The following DNAH14 variants were observed in gnomAD, a reference collection of about 807,000 sequenced individuals.
DNAH14 encodes the protein axonemal beta dynein heavy chain 14.
In DNAH14, 478 loss-of-function variants were observed where a neutral mutation model predicts 520.9. The observed-to-expected ratio is 0.92, with a 90% CI of 0.85 to 0.99. DNAH14 has a LOEUF of 0.99. Among genes scored for constraint, DNAH14 ranks in the 50% least tolerant of loss-of-function variants. The pLI is 0.00. For missense variants in DNAH14, 4,831 were observed against 5,234.5 expected, an observed-to-expected ratio of 0.92 and a Z score of 2.38; for synonymous variants, 1,581 against 1,757.2, an observed-to-expected ratio of 0.90 and a Z score of 2.51.
intron 68 of DNAH14, among the ~76,000 whole-genome samples, chr1:225,339,471 C>T (rs1190527618): frequency 2.0e-5 from 3 of 152,202 alleles, no homozygotes. Flanking sequence ...TTTAAAACCC[C>T]TTTATTCACC....
chr1:225,067,680 C>T lies in DNAH14; in HGVS notation c.2425-11527C>T, dbSNP rs1012830620. On this transcript the variant is annotated intron_variant, in intron 17 of 85. Coordinates refer to ENST00000682510, the MANE Select transcript of DNAH14 (RefSeq NM_001367479.1). ...CATCCTGACTGGTGTTAGATGGTAG[C>T]TCATTGTGGTTTTGATTTGCATTTC... 2.6e-5 allele frequency among the ~76,000 whole-genome samples: 4 copies of T among 152,096 alleles called. No individual in the cohort carries two copies. In the East Asian group the frequency reaches 7.7e-4, roughly 29 times the overall value.
At chr1:225,325,192 A>C (rs2094633584) in intron 64 of DNAH14, among the ~76,000 whole-genome samples, 1 of 151,962 alleles carries the variant, frequency 6.6e-6, no homozygotes, top group East Asian at 1.9e-4. Flanking sequence ...TCTTTAAAAA[A>C]AACTGTACTT....
At chr1:225,153,163 T>C (rs898957921) in intron 33 of DNAH14, among the ~76,000 whole-genome samples, 3 of 152,164 alleles carry the variant, frequency 2.0e-5, no homozygotes, top group Admixed American at 6.5e-5. Flanking sequence ...GGACTATTTT[T>C]TTCCATACAA....
At chr1:225,041,607 A>G (rs781168230) in intron 12 of DNAH14, among the ~76,000 whole-genome samples, 2 of 152,146 alleles carry the variant, frequency 1.3e-5, no homozygotes, top group East Asian at 3.8e-4. Context: ...TTTTTTTTGT[A>G]TGTGCAATGA....
At chr1:225,245,867 A>G (rs2092251625) in intron 43 of DNAH14, among the ~76,000 whole-genome samples, 2 of 152,176 alleles carry the variant, frequency 1.3e-5, no homozygotes, top group South Asian at 4.1e-4. Flanking sequence ...GAATTAGGAA[A>G]AACTACTTTA....
chr1:225,155,617 GA>G (rs1344158841), intron 34 of DNAH14, among the ~76,000 whole-genome samples: 1 of 152,166 alleles, frequency 6.6e-6, no homozygotes, highest in Non-Finnish European at 1.5e-5. Flanking sequence ...GTATTTCAGT[GA>G]AAGTAGTACT....
chr1:225,148,695 C>G (rs1241617082), intron 31 of DNAH14, among the ~76,000 whole-genome samples: 2 of 152,058 alleles, frequency 1.3e-5, no homozygotes, highest in Non-Finnish European at 2.9e-5. Flanking sequence ...TCACTGTGCC[C>G]AGCCTGAGCT....
Position 225,206,121 on chromosome 1 carries a change from T to C in DNAH14, c.6128T>C (p.Val2043Ala). The C allele has an allele frequency of 6.4e-7, 1 of 1,551,506 alleles. No homozygotes were observed. Among genetic ancestry groups the C allele is most frequent in the Non-Finnish European group, 8.7e-7 (1 of 1,146,820 alleles). The change falls in exon 40 of 86, where the codon GTG becomes GCG. Residue 2043 changes from valine (V) to alanine (A), a missense_variant. By Grantham distance (64) the Val-to-Ala change is moderately conservative. Coordinates refer to ENST00000682510, the MANE Select transcript of DNAH14 (RefSeq NM_001367479.1). ...LTNKIRVIFEVDNLSQASPAT... is the reference protein window; with the variant it reads ...LTNKIRVIFEADNLSQASPAT... ...AATAAAATAAGAGTGATTTTTGAAGTGGACAATCTCTCTCAGGCCAGTCCT... is the reference window on the plus strand; with the variant it reads ...AATAAAATAAGAGTGATTTTTGAAGCGGACAATCTCTCTCAGGCCAGTCCT...
intron 61 of DNAH14, among the ~76,000 whole-genome samples, chr1:225,321,499 A>G (rs1229061156): frequency 3.3e-5 from 5 of 152,208 alleles, no homozygotes; most frequent in Non-Finnish European, 7.3e-5. Flanking sequence ...GGATAATGTC[A>G]TGCATATAAA....
intron 17 of DNAH14, among the ~76,000 whole-genome samples, chr1:225,057,853 A>C (rs1227750083): frequency 2.0e-5 from 3 of 152,154 alleles, no homozygotes; most frequent in Admixed American, 6.6e-5. Flanking sequence ...GTATGTTGAA[A>C]CAGCCTTGCA....
chr1:225,012,257 T>C (rs547120375), intron 10 of DNAH14, among the ~76,000 whole-genome samples: 2 of 152,308 alleles, frequency 1.3e-5, no homozygotes, highest in African/African-American at 4.8e-5. Flanking sequence ...ATTCTTTTCT[T>C]TAAGAATGTT....
intron 8 of DNAH14, among the ~76,000 whole-genome samples, chr1:224,974,759 A>G (rs969799353): frequency 2.0e-5 from 3 of 152,128 alleles, no homozygotes; most frequent in African/African-American, 7.2e-5. Context: ...TTTGGCAACC[A>G]CTAATCTGTT....
chr1:225,153,784 T>G lies in DNAH14; in HGVS notation c.5231T>G (p.Ile1744Arg), dbSNP rs971789879. The G allele has an allele frequency of 4.1e-5, 63 of 1,550,010 alleles. No homozygotes were observed. The African/African-American group carries it at 5.9e-4, about 14-fold the overall frequency. Residue 1744 changes from isoleucine to arginine, a missense_variant, in exon 34 of 86, where the codon ATA (isoleucine) becomes AGA (arginine). Coordinates refer to ENST00000682510, the MANE Select transcript of DNAH14 (RefSeq NM_001367479.1). Reference protein sequence around the residue: ...HYNFGLRSLKIVLIMAGTKKR... With the variant: ...HYNFGLRSLKRVLIMAGTKKR... ...AATTTTGGCTTGAGATCTCTGAAGA[T>G]AGTTTTAATAATGGCTGGAACGAAG...
chr1:225,031,958 C>T (rs1171373637), intron 11 of DNAH14, among the ~76,000 whole-genome samples: 3 of 151,666 alleles, frequency 2.0e-5, no homozygotes, highest in Non-Finnish European at 2.9e-5. Flanking sequence ...GGAAAGAGTT[C>T]CCTCGGTTTT....
rs138683445 is a variant in DNAH14 at position 225,023,020 on chromosome 1, A to G, written c.1108-595A>G. Reference sequence around the variant, plus strand: ...AACCAAATACCACATATCTTCACATATAAGTGGGAGATAAACATAGTTACA... The same window carrying G: ...AACCAAATACCACATATCTTCACATGTAAGTGGGAGATAAACATAGTTACA... On this transcript the variant is annotated intron_variant, in intron 10 of 85. Coordinates refer to ENST00000682510, the MANE Select transcript of DNAH14 (RefSeq NM_001367479.1). Among the ~76,000 whole-genome samples the G allele has an allele frequency of 7.7e-3, 1,167 of 152,268 alleles. 10 individuals carry two copies. Among genetic ancestry groups the G allele is most frequent in the Non-Finnish European group, 0.011 (741 of 68,028 alleles).
At chr1:225,335,140 C>CACGTGT (rs1553334437) in intron 66 of DNAH14, among the ~76,000 whole-genome samples, 3 of 109,228 alleles carry the variant, frequency 2.7e-5, no homozygotes, top group Non-Finnish European at 5.7e-5. Flanking sequence ...TGTGCATGTG[C>CACGTGT]ACATGTGTAC....
At position 225,110,253 on chromosome 1, in the gene DNAH14, G is replaced by A. The variant is rs1316367120; in HGVS notation, c.3868-7431G>A. 4.6e-5 allele frequency among the ~76,000 whole-genome samples: 7 copies of A among 152,108 alleles called. No homozygotes were observed. The East Asian group carries it at 1.2e-3, about 25-fold the overall frequency. On this transcript the variant is annotated intron_variant, in intron 23 of 85. Transcript: ENST00000682510. Reference sequence around the variant, plus strand: ...TTTTTGGAAGACTTTATGAGGATTGGTATTAGTTCTTCTTTAAATATTTGG... The same window carrying A: ...TTTTTGGAAGACTTTATGAGGATTGATATTAGTTCTTCTTTAAATATTTGG...
chr1:225,177,741 A>T (rs969305206), intron 36 of DNAH14, among the ~76,000 whole-genome samples: 1 of 152,078 alleles, frequency 6.6e-6, no homozygotes, highest in Non-Finnish European at 1.5e-5. Flanking sequence ...ATTTCAGAAG[A>T]TGTATGGAAA....
At chr1:225,376,440 A>G (rs1180407467) in intron 78 of DNAH14, among the ~76,000 whole-genome samples, 2 of 152,186 alleles carry the variant, frequency 1.3e-5, no homozygotes, top group East Asian at 1.9e-4. Flanking sequence ...AAAGAAAAAA[A>G]AGTTTAGGGT....
Sources: gnomAD v4.1 joint callset for allele counts (sites outside exome capture counted in the v4.1 genomes callset) on GRCh38, gnomAD v4.1.1 for gene constraint, MANE v1.5 for transcripts, NCBI Gene and HGNC (gene_info 2026-07-23, HGNC 2026-07-21) for gene names.